The following RNF145 variants were observed in gnomAD, a reference collection of about 807,000 sequenced individuals.
The protein encoded by RNF145 is ring finger protein 145.
A neutral mutation model predicts 57.3 loss-of-function variants in RNF145; 12 were observed. That is an observed-to-expected ratio of 0.21 (90% CI 0.13 to 0.34). The LOEUF is 0.34. Ranked by LOEUF, RNF145 falls within the 10% of genes least tolerant of loss-of-function variation. The pLI, the probability that RNF145 is intolerant of heterozygous loss-of-function variation, is 1.00. For missense variants in RNF145, 429 were observed against 799.0 expected (o/e 0.54, Z 5.58); for synonymous variants, 262 against 288.3 (o/e 0.91, Z 0.92).
At chr5:159,207,709 C>T in intron 1 of RNF145, 2 of 1,612,568 alleles carry the variant, frequency 1.2e-6, no homozygotes, top group East Asian at 2.2e-5. Flanking sequence ...TTAAATATAG[C>T]TGGTCCTCCC....
At chr5:159,182,550 A>C (rs1784926490) in intron 3 of RNF145, among the ~76,000 whole-genome samples, 1 of 152,148 alleles carries the variant, frequency 6.6e-6, no homozygotes, top group African/African-American at 2.4e-5. Flanking sequence ...ACAACCCTTA[A>C]AAATTATCAT....
At chr5:159,168,654 T>C (rs1784457179) in intron 8 of RNF145, among the ~76,000 whole-genome samples, 1 of 152,182 alleles carries the variant, frequency 6.6e-6, no homozygotes, top group East Asian at 1.9e-4. Context: ...TTTGATGTCA[T>C]TTTTAACTAA....
At chr5:159,198,940 T>A (rs773880782) in intron 2 of RNF145, among the ~76,000 whole-genome samples, 13 of 152,204 alleles carry the variant, frequency 8.5e-5, no homozygotes, top group Non-Finnish European at 1.8e-4. Context: ...ATCACACCAC[T>A]GCACTCCAAC....
At chr5:159,185,047 C>T (rs893212428) in intron 3 of RNF145, among the ~76,000 whole-genome samples, 2 of 152,146 alleles carry the variant, frequency 1.3e-5, no homozygotes, top group African/African-American at 4.8e-5. Context: ...TGTACTGCCC[C>T]CCACATTCCT....
At chr5:159,177,318 A>G (rs1025302432) in intron 4 of RNF145, among the ~76,000 whole-genome samples, 2 of 152,112 alleles carry the variant, frequency 1.3e-5, no homozygotes, top group African/African-American at 4.8e-5. Context: ...ATTTGTTCTG[A>G]TAATTTTTTA....
At chr5:159,173,610 T>C (rs1261599504) in intron 6 of RNF145, among the ~76,000 whole-genome samples, 2 of 152,226 alleles carry the variant, frequency 1.3e-5, no homozygotes, top group Non-Finnish European at 2.9e-5. Context: ...TAAAGATTAA[T>C]GTGAGGCAAA....
rs368789123 is a variant in RNF145, at chr5:159,158,717, A to G, written c.1945T>C (p.Tyr649His). 46 of 1,613,812 alleles carry G rather than the reference A, an allele frequency of 2.9e-5. No homozygotes were observed. The highest frequency in any genetic ancestry group is 3.9e-5 in the Non-Finnish European group (46 of 1,179,864). ...NQEGAFDPKE[Y>H]PHSAKDEAHP... ...GCTTCATCTTTCGCACTGTGAGGAT[A>G]TTCTTTGGGGTCAAAAGCCCCTTCC... The change falls in exon 11 of 11, where the codon TAT (tyrosine) becomes CAT (histidine). Residue 649 changes from tyrosine (Y) to histidine (H), a missense_variant. Tyr to His is a moderately conservative substitution (Grantham distance 83). Around this residue, in one of 4 missense-constraint regions of RNF145, gnomAD observed 102 missense variants for 106.2 expected, o/e 0.96. Coordinates refer to ENST00000424310, the MANE Select transcript of RNF145 (RefSeq NM_001199383.2).
At chr5:159,187,599 C>T (rs10072037) in intron 3 of RNF145, among the ~76,000 whole-genome samples, 119,291 of 152,048 alleles carry the variant, frequency 0.78, 47,183 homozygotes, top group East Asian at 0.89. Context: ...AGTGCTGGGA[C>T]TACAGGCGTG....
chr5:159,164,985 T>C (rs1294597995), intron 8 of RNF145, among the ~76,000 whole-genome samples: 1 of 152,254 alleles, frequency 6.6e-6, no homozygotes, highest in East Asian at 1.9e-4. Flanking sequence ...CATCTCTTAA[T>C]TGTCCTCTAA....
At chr5:159,184,561 C>T (rs1784998529) in intron 3 of RNF145, among the ~76,000 whole-genome samples, 1 of 152,106 alleles carries the variant, frequency 6.6e-6, no homozygotes, top group Non-Finnish European at 1.5e-5. Context: ...AGGATTTTAA[C>T]GTCTTTTTTA....
chr5:159,187,279 T>C (rs747304418), intron 3 of RNF145, among the ~76,000 whole-genome samples: 4 of 150,534 alleles, frequency 2.7e-5, no homozygotes, highest in African/African-American at 7.3e-5. Context: ...CAAAACTCCA[T>C]CTCAAAAAAC....
chr5:159,197,955 T>A (rs914785125), intron 2 of RNF145, among the ~76,000 whole-genome samples: 1 of 151,960 alleles, frequency 6.6e-6, no homozygotes, highest in African/African-American at 2.4e-5. Flanking sequence ...CTATAAAAAA[T>A]AAGGGTTGGA....
intron 6 of RNF145, among the ~76,000 whole-genome samples, chr5:159,171,798 T>C (rs1784569161): frequency 6.6e-6 from 1 of 152,134 alleles, no homozygotes; most frequent in Non-Finnish European, 1.5e-5. Context: ...CACAAAAGCA[T>C]GGATAAGAAC....
chr5:159,189,120 T>A (rs1785191313), intron 3 of RNF145, among the ~76,000 whole-genome samples: 3 of 151,860 alleles, frequency 2.0e-5, no homozygotes, highest in Non-Finnish European at 2.9e-5. Flanking sequence ...TTGTATATAT[T>A]TGCAAATCAT....
chr5:159,168,949 C>T lies in RNF145; in HGVS notation c.1045G>A (p.Val349Ile), dbSNP rs1215870029. 2 of 1,609,210 alleles carry T rather than the reference C, an allele frequency of 1.2e-6. No individual in the cohort carries two copies. The highest frequency in any genetic ancestry group is 1.3e-5 in the African/African-American group (1 of 74,714). The change falls in exon 8 of 11, where the codon GTC (valine) becomes ATC (isoleucine). Residue 349 changes from valine to isoleucine, a missense_variant. By Grantham distance (29) the Val-to-Ile change is conservative. Coordinates refer to ENST00000424310, the MANE Select transcript of RNF145 (RefSeq NM_001199383.2). ...ATAGACTGTAGGATAGAAGCTACGA[C>T]AATGAAAAGGATAATACTGAGCAAG... ...AFLLSIILFI[V>I]VASILQSMLE...
chr5:159,159,084 T>C (rs1275808772), intron 10 of RNF145, 49 bp from the exon 11 acceptor site: 1 of 1,529,270 alleles, frequency 6.5e-7, no homozygotes, highest in Non-Finnish European at 8.8e-7. Context: ...TTTTCTAGTA[T>C]CTTTGGTGCT....
intron 3 of RNF145, among the ~76,000 whole-genome samples, chr5:159,188,928 A>AT (rs973343574): frequency 6.6e-6 from 1 of 152,054 alleles, no homozygotes; most frequent in African/African-American, 2.4e-5. Context: ...CTAGTTTTTA[A>AT]TTTTTTTTTT....
rs368666697 is a variant in RNF145 at position 159,169,732 on chromosome 5, G to A, written c.885C>T (p.Cys295=). ...SFVALGVLTL[C]KFYLQGYRAF... ...CTCGATAACCCTGCAAGTAAAACTT[G>A]CAGAGTGTGAGAACACCCAAGGCAA... The change falls in exon 7 of 11, where the codon TGC becomes TGT. Residue 295 remains cysteine, a synonymous_variant. Transcript: ENST00000424310. 6.2e-7 allele frequency: 1 copy of A among 1,612,866 alleles called. No homozygotes were observed. Among genetic ancestry groups the A allele is most frequent in the African/African-American group, 1.3e-5 (1 of 74,838 alleles).
intron 8 of RNF145, among the ~76,000 whole-genome samples, chr5:159,165,682 CAAAAAAAAAAAAAAAAAAAAAAAAAAAA>C (rs1327516925): frequency 1.0e-3 from 3 of 2,878 alleles, no homozygotes; most frequent in Non-Finnish European, 1.4e-3. Context: ...GACTCCGTCT[CAAAAAAAAAAAAAAAAAAAAAAAAAAAA>C]AAAAAAAAAA....
Sources: allele counts gnomAD v4.1 joint callset (sites outside exome capture counted in the v4.1 genomes callset), GRCh38; gene constraint gnomAD v4.1.1; regional missense constraint gnomAD v4.1.1; transcripts MANE v1.5; gene names NCBI Gene and HGNC (gene_info 2026-07-23, HGNC 2026-07-21).